The following NXPH4 variants were observed in gnomAD, a reference collection of about 807,000 sequenced individuals.
The protein encoded by NXPH4 is neurexophilin-4.
In NXPH4, 8 loss-of-function variants were observed where a neutral mutation model predicts 21.3. That is an observed-to-expected ratio of 0.38 (90% CI 0.22 to 0.68). The LOEUF (loss-of-function observed/expected upper bound fraction) is 0.68. Among genes scored for constraint, NXPH4 ranks in the 30% least tolerant of loss-of-function variants. NXPH4 has a pLI of 0.53. For synonymous variants in NXPH4, 219 were observed against 192.6 expected (o/e 1.14, Z -1.13); for missense variants, 418 against 416.8 (o/e 1.00, Z -0.03).
chr12:57,220,673 G>C (rs1185405701), intron 1 of NXPH4, among the ~76,000 whole-genome samples: 1 of 151,914 alleles, frequency 6.6e-6, no homozygotes, highest in Non-Finnish European at 1.5e-5. Context: ...CCCTCCCACA[G>C]CCTGATCCTG....
intron 1 of NXPH4, chr12:57,221,646 C>G (rs1356905474): frequency 1.1e-5 from 3 of 282,356 alleles, no homozygotes; most frequent in Non-Finnish European, 2.2e-5. Context: ...AGCTGCCGCG[C>G]ACCTCCGCCC....
chr12:57,224,115 CCTTTTTTCTTTT>C (rs1207804253), intron 1 of NXPH4, among the ~76,000 whole-genome samples: 1 of 151,916 alleles, frequency 6.6e-6, no homozygotes, highest in East Asian at 1.9e-4. Flanking sequence ...CTTTTCCTTT[CCTTTTTTCTTTT>C]CTTTTCTTTT....
intron 1 of NXPH4, among the ~76,000 whole-genome samples, chr12:57,223,408 C>T (rs2037110758): frequency 6.6e-6 from 1 of 152,142 alleles, no homozygotes; most frequent in East Asian, 1.9e-4. Flanking sequence ...ACACAACAGA[C>T]ATGCAGCCAC....
rs780402411 is a variant in NXPH4, at chr12:57,224,856, TCTC to T, written c.58-18_58-16del. 1.4e-6 allele frequency: 1 copy of T among 714,798 alleles called. No individual in the cohort carries two copies. The highest frequency in any genetic ancestry group is 2.1e-6 in the Non-Finnish European group (1 of 470,716). 44.3% of individuals were successfully genotyped at this position (714,798 alleles called of 1,614,324 possible). ...GCGGGGGACAACCCCAGCGTCTCTC[TCTC>T]CTCTTTCTTCGTGCACAGGCCGTCA... On this transcript the variant is annotated intron_variant, in intron 1 of 1. Transcript: ENST00000349394.
intron 1 of NXPH4, among the ~76,000 whole-genome samples, chr12:57,217,527 G>A (rs1565762017): frequency 6.6e-6 from 1 of 152,234 alleles, no homozygotes; most frequent in African/African-American, 2.4e-5. Flanking sequence ...GACTCAGGCA[G>A]ACACGGCTGA....
chr12:57,224,005 A>G (rs1045514799), intron 1 of NXPH4, among the ~76,000 whole-genome samples: 1 of 152,238 alleles, frequency 6.6e-6, no homozygotes, highest in Non-Finnish European at 1.5e-5. Flanking sequence ...TCCTCTGCTC[A>G]ACTGGTTCCC....
rs758316140 is a variant in NXPH4, at chr12:57,223,164, C to G, written c.58-1714C>G. On this transcript the variant is annotated intron_variant, in intron 1 of 1. Transcript: ENST00000349394. ...GGAACACAGCAAGACCACACTTGTT[C>G]TATGACTACGGATACACCCCCTTTA... Among the ~76,000 whole-genome samples, 86 of 152,310 alleles carry G rather than the reference C, an allele frequency of 5.6e-4. 1 individual carries two copies. Among genetic ancestry groups the G allele is most frequent in the Middle Eastern group, 3.4e-3 (1 of 294 alleles).
In NXPH4 at chr12:57,225,807, C is replaced by G. The variant is rs1377995177; in HGVS notation, c.*60C>G. The G allele has an allele frequency of 9.0e-6, 14 of 1,557,812 alleles. 1 individual carries two copies. In the Middle Eastern group the frequency reaches 1.0e-3, roughly 115 times the overall value. On this transcript the variant is annotated 3_prime_UTR_variant, in exon 2 of 2. Transcript: ENST00000349394. ...AATCCCAGCCTCACTAGGTGGGACCCCCTTCCCAGTGTTCTGCCGCTCCTG... is the reference window on the plus strand; with the variant it reads ...AATCCCAGCCTCACTAGGTGGGACCGCCTTCCCAGTGTTCTGCCGCTCCTG...
intron 1 of NXPH4, among the ~76,000 whole-genome samples, chr12:57,223,311 C>T (rs556050936): frequency 2.6e-5 from 4 of 152,210 alleles, no homozygotes; most frequent in Admixed American, 6.5e-5. Flanking sequence ...AACCCAGACA[C>T]GTAACCACAC....
chr12:57,220,719 T>C (rs2037083363), intron 1 of NXPH4, among the ~76,000 whole-genome samples: 1 of 152,092 alleles, frequency 6.6e-6, no homozygotes, highest in Non-Finnish European at 1.5e-5. Flanking sequence ...TCCTCTCCCA[T>C]ACCTGTCCTC....
In NXPH4 at chr12:57,216,952, GCT is replaced by G; in HGVS notation, c.-16_-15del. On this transcript the variant is annotated 5_prime_UTR_variant, in exon 1 of 2. Coordinates refer to ENST00000349394, the MANE Select transcript of NXPH4 (RefSeq NM_007224.4). This position sits in a 1 kb window ranked among gnomAD's most constrained non-coding sequence, Gnocchi z 5.3. ...GCCCGAGACCCGCCCAGCCTGCCCC[GCT>G]CAGCCGCCAGAGAAGATGCGGCTGC... is the stretch of plus-strand genomic sequence containing the variant. 6.3e-7 allele frequency: 1 copy of G among 1,578,068 alleles called. No homozygotes were observed. The highest frequency in any genetic ancestry group is 8.6e-7 in the Non-Finnish European group (1 of 1,162,604).
chr12:57,223,122 T>C (rs146954035), intron 1 of NXPH4, among the ~76,000 whole-genome samples: 1 of 152,262 alleles, frequency 6.6e-6, no homozygotes, highest in Non-Finnish European at 1.5e-5. Context: ...TTGACATGCA[T>C]GTATGTCACC....
chr12:57,221,318 A>G (rs1445945114), intron 1 of NXPH4: 1 of 455,826 alleles, frequency 2.2e-6, no homozygotes, highest in Non-Finnish European at 4.4e-6. Flanking sequence ...CCAGGCCTGG[A>G]CTGTCCCTTC....
rs1453438550 is a variant in NXPH4 at position 57,224,999 on chromosome 12, G to T, written c.179G>T (p.Gly60Val). The T allele has an allele frequency of 6.7e-7, 1 of 1,498,142 alleles. No individual in the cohort carries two copies. Among genetic ancestry groups the T allele is most frequent in the South Asian group, 1.3e-5 (1 of 79,398 alleles). The allele number at this position is 1,498,142 out of a possible 1,614,324, so 92.8% of individuals were successfully genotyped here. Reference protein sequence around the residue: ...LPEPRSSDGLGVGRAWSWAWP... With the variant: ...LPEPRSSDGLVVGRAWSWAWP... The stretch of plus-strand genomic sequence containing the variant: ...GAGCCAAGGTCTTCGGACGGCCTAG[G>T]CGTGGGCCGCGCCTGGAGCTGGGCC... Residue 60 changes from glycine to valine, a missense_variant, in exon 2 of 2, where the codon GGC becomes GTC. By Grantham distance (109) the Gly-to-Val change is moderately radical. Coordinates refer to ENST00000349394, the MANE Select transcript of NXPH4 (RefSeq NM_007224.4).
chr12:57,224,849 G>C (rs373979228), intron 1 of NXPH4, 29 bp from the exon 2 acceptor site: 2 of 672,526 alleles, frequency 3.0e-6, no homozygotes, highest in African/African-American at 1.9e-5. Flanking sequence ...CAACCCCAGC[G>C]TCTCTCTCTC....
Position 57,225,615 on chromosome 12 carries a change from G to A in NXPH4, c.795G>A (p.Gln265=), listed in dbSNP as rs369994528. The part of the protein sequence containing the change: ...QVCFTEHTQS[Q]AAWLCAKPFK... Reference sequence around the variant, plus strand: ...GCTTCACCGAGCACACGCAGAGCCAGGCCGCCTGGCTCTGTGCCAAGCCCT... The same window carrying A: ...GCTTCACCGAGCACACGCAGAGCCAAGCCGCCTGGCTCTGTGCCAAGCCCT... Residue 265 remains glutamine, a synonymous_variant, in exon 2 of 2, where the codon CAG becomes CAA. Transcript: ENST00000349394. 54 of 1,613,646 alleles carry A rather than the reference G, an allele frequency of 3.3e-5. No individual in the cohort carries two copies. In the African/African-American group the frequency reaches 6.1e-4, roughly 18 times the overall value.
In NXPH4 at chr12:57,216,993, C is replaced by A; in HGVS notation, c.24C>A (p.Phe8Leu). The A allele has an allele frequency of 6.2e-7, 1 of 1,605,796 alleles. No homozygotes were observed. Among genetic ancestry groups the A allele is most frequent in the Non-Finnish European group, 8.5e-7 (1 of 1,176,762 alleles). The change falls in exon 1 of 2, where the codon TTC becomes TTA. Residue 8 changes from phenylalanine (F) to leucine (L), a missense_variant. Coordinates refer to ENST00000349394, the MANE Select transcript of NXPH4 (RefSeq NM_007224.4). This position sits in a 1 kb window ranked among gnomAD's most constrained non-coding sequence, Gnocchi z 5.3. MRLLPEW[F>L]LLLFGPWLLR... The stretch of plus-strand genomic sequence containing the variant: ...AGATGCGGCTGCTCCCGGAATGGTT[C>A]CTCTTGCTCTTTGGCCCGTGGCTCC...
intron 1 of NXPH4, among the ~76,000 whole-genome samples, chr12:57,224,062 G>T (rs2037118442): frequency 1.3e-5 from 2 of 152,188 alleles, no homozygotes; most frequent in South Asian, 4.1e-4. Context: ...CCAGGTGGGG[G>T]CTCTGGTCTC....
rs1383424953 is a variant in NXPH4 at position 57,216,863 on chromosome 12, G to T, written c.-107G>T. ...CGCTCCCGCCGCTCCCGCCGCTCCC[G>T]CCGCTCCCGCAGCCGCCCCGCCGCC... On this transcript the variant is annotated 5_prime_UTR_variant, in exon 1 of 2. Transcript: ENST00000349394. The surrounding 1 kb of genome is among the most constrained non-coding windows in gnomAD (Gnocchi z 5.3). 3.3e-6 allele frequency: 2 copies of T among 607,086 alleles called. No homozygotes were observed. Among genetic ancestry groups the T allele is most frequent in the Non-Finnish European group, 4.1e-6 (2 of 483,076 alleles). The allele number at this position is 607,086 out of a possible 1,614,324, so 37.6% of individuals were successfully genotyped here. A position where few individuals can be genotyped will look rare whatever the true frequency, so the allele number is the denominator to read the frequency against.
Sources: allele counts gnomAD v4.1 joint callset (sites outside exome capture counted in the v4.1 genomes callset), GRCh38; gene constraint gnomAD v4.1.1; non-coding constraint Gnocchi (gnomAD v3.1); transcripts MANE v1.5; gene names NCBI Gene and HGNC (gene_info 2026-07-23, HGNC 2026-07-21).